The following POGZ variants were observed in gnomAD, a reference collection of about 807,000 sequenced individuals.
POGZ encodes pogo transposable element with ZNF domain.
POGZ carries 17 observed loss-of-function variants against 134.6 expected under a neutral mutation model. The observed-to-expected ratio is 0.13, with a 90% confidence interval of 0.09 to 0.19. The LOEUF is 0.19. Among genes scored for constraint, POGZ ranks in the 10% least tolerant of loss-of-function variants. POGZ has a pLI of 1.00. For missense variants in POGZ, 1,306 were observed against 1,769.7 expected (o/e 0.74, Z 4.70); for synonymous variants, 693 against 657.1 (o/e 1.05, Z -0.84).
At position 151,404,992 on chromosome 1, in the gene POGZ, T is replaced by A; in HGVS notation, c.4043A>T (p.Glu1348Val). ...SPTRNADMQE[E>V]LIASLEEQLK... ...TTGCTCCTCTAGGGAGGCAATTAGC[T>A]CCTCCTGCATGTCAGCATTTCTTGT... The change falls in exon 19 of 19, where the codon GAG becomes GTG. Residue 1348 changes from glutamate (E) to valine (V), a missense_variant. Around this residue, in one of 10 missense-constraint regions of POGZ, gnomAD observed 107 missense variants for 97.9 expected, o/e 1.09. Transcript: ENST00000271715. 1.2e-6 allele frequency: 2 copies of A among 1,614,128 alleles called. No individual in the cohort carries two copies. The highest frequency in any genetic ancestry group is 1.7e-6 in the Non-Finnish European group (2 of 1,179,996).
intron 7 of POGZ, among the ~76,000 whole-genome samples, chr1:151,425,772 T>C (rs1022698179): frequency 6.6e-6 from 1 of 152,248 alleles, no homozygotes; most frequent in African/African-American, 2.4e-5. Context: ...TGGACCTCTG[T>C]GTTGCTTTCA....
chr1:151,433,468 C>T (rs1427260185), intron 3 of POGZ, among the ~76,000 whole-genome samples: 9 of 151,860 alleles, frequency 5.9e-5, no homozygotes, highest in South Asian at 2.1e-4. Flanking sequence ...ACTAGCCAGG[C>T]GTAGTGGCGC....
intron 3 of POGZ, among the ~76,000 whole-genome samples, chr1:151,437,758 A>G (rs1307865231): frequency 6.6e-6 from 1 of 152,186 alleles, no homozygotes; most frequent in African/African-American, 2.4e-5. Flanking sequence ...TCTCAAAAAA[A>G]CAAACGTTAT....
chr1:151,443,971 T>C (rs1449764707), intron 1 of POGZ, among the ~76,000 whole-genome samples: 2 of 152,192 alleles, frequency 1.3e-5, no homozygotes, highest in East Asian at 3.8e-4. Flanking sequence ...CTAACCATTC[T>C]GTTTATTGAG....
At chr1:151,419,740 C>T (rs955122436) in intron 10 of POGZ, among the ~76,000 whole-genome samples, 10 of 135,360 alleles carry the variant, frequency 7.4e-5, no homozygotes, top group East Asian at 4.4e-4. Context: ...AAGGAAATTA[C>T]GAAAGACTGC....
intron 15 of POGZ, 111 bp from the exon 16 acceptor site, chr1:151,407,402 A>G: frequency 1.4e-6 from 1 of 704,758 alleles, no homozygotes; most frequent in Non-Finnish European, 2.5e-6. Flanking sequence ...AGTGCACCCT[A>G]ATCTCAACCT....
In POGZ at chr1:151,405,448, T is replaced by C. The variant is rs199974317; in HGVS notation, c.3587A>G (p.Glu1196Gly). 6.2e-7 allele frequency: 1 copy of C among 1,614,196 alleles called. No homozygotes were observed. The change falls in exon 19 of 19, where the codon GAG (glutamate) becomes GGG (glycine). Residue 1196 changes from glutamate (E) to glycine (G), a missense_variant. Physicochemically the swap from Glu to Gly is moderately conservative, Grantham distance 98. This residue lies in a region of POGZ where 161 missense variants were observed against 185.4 expected (regional missense o/e 0.87). Transcript: ENST00000271715. This position sits in a 1 kb window ranked among gnomAD's most constrained non-coding sequence, Gnocchi z 4.9. ...GATCTCGTCATCACTGTAGCCACTC[T>C]CCTTTGCCTCTAGCAATATGGAGTC... ...MPDSILLEAKESGYSDDEIME... is the reference protein window; with the variant it reads ...MPDSILLEAKGSGYSDDEIME...
Position 151,408,090 on chromosome 1 carries a change from AC to A in POGZ, c.2375+9del. 1 of 1,602,346 alleles carries A rather than the reference AC, an allele frequency of 6.2e-7. No individual in the cohort carries two copies. Among genetic ancestry groups the A allele is most frequent in the Non-Finnish European group, 8.5e-7 (1 of 1,176,050 alleles). ...TCTCAAGCTAAAACACTGGTTAAAA[AC>A]CAACTTACTTGATCATGTGGTTGGC... On this transcript the variant is annotated intron_variant, in intron 15 of 18. Transcript: ENST00000271715.
intron 1 of POGZ, among the ~76,000 whole-genome samples, chr1:151,451,795 CTT>C (rs960901427): frequency 6.6e-6 from 1 of 151,638 alleles, no homozygotes; most frequent in Non-Finnish European, 1.5e-5. Flanking sequence ...ATAGAAGTCT[CTT>C]TAAAAATGTC....
At chr1:151,449,663 G>A (rs113789484) in intron 1 of POGZ, among the ~76,000 whole-genome samples, 154 of 152,314 alleles carry the variant, frequency 1.0e-3, no homozygotes, top group African/African-American at 3.5e-3. Context: ...TTGGGAGGCC[G>A]AGGTGGGCGG....
chr1:151,448,668 C>A (rs955056753), intron 1 of POGZ, among the ~76,000 whole-genome samples: 3 of 151,902 alleles, frequency 2.0e-5, no homozygotes, highest in Admixed American at 6.6e-5. Context: ...TCGAGACCAG[C>A]CTGGGCAACT....
chr1:151,443,723 T>A (rs967379016), intron 1 of POGZ, among the ~76,000 whole-genome samples: 1 of 151,902 alleles, frequency 6.6e-6, no homozygotes, highest in Non-Finnish European at 1.5e-5. Flanking sequence ...TCAAAAAAAA[T>A]AAAAATAAAT....
At chr1:151,428,958 T>C (rs2102299285) in intron 5 of POGZ, among the ~76,000 whole-genome samples, 1 of 152,230 alleles carries the variant, frequency 6.6e-6, no homozygotes, top group South Asian at 2.1e-4. Flanking sequence ...CCCTATGGGC[T>C]ACGAGAACAA....
rs1212371839 is a variant in POGZ at position 151,416,210 on chromosome 1, CAAAAAAA to C, written c.1679-3821_1679-3815del. 2.8e-4 allele frequency among the ~76,000 whole-genome samples: 12 copies of C among 42,782 alleles called. No individual in the cohort carries two copies. In the East Asian group the frequency reaches 4.1e-3, roughly 15 times the overall value. The allele number at this position is 42,782 out of a possible 152,430, so 28.1% of individuals were successfully genotyped here. On this transcript the variant is annotated intron_variant, in intron 10 of 18. Transcript: ENST00000271715. ...GGGTGACAAGAGTGAAACTCCATCTCAAAAAAAAAAAAAAAAAAAAAAAAAGAAAAAG... is the reference window on the plus strand; with the variant it reads ...GGGTGACAAGAGTGAAACTCCATCTCAAAAAAAAAAAAAAAAAAGAAAAAG...
chr1:151,433,740 T>G (rs1483830845), intron 3 of POGZ, among the ~76,000 whole-genome samples: 1 of 152,068 alleles, frequency 6.6e-6, no homozygotes, highest in Non-Finnish European at 1.5e-5. Context: ...CTAGGTAAAT[T>G]ATACTTACTT....
chr1:151,451,451 CAAG>C (rs1172582685), intron 1 of POGZ, among the ~76,000 whole-genome samples: 1 of 151,778 alleles, frequency 6.6e-6, no homozygotes, highest in Admixed American at 6.7e-5. Context: ...TTCAGCCTCT[CAAG>C]GAGCTGTAAT....
chr1:151,423,862 A>G, intron 9 of POGZ, 87 bp downstream of exon 9: 1 of 1,042,756 alleles, frequency 9.6e-7, no homozygotes, highest in Non-Finnish European at 1.4e-6. Context: ...AGTTAGGTCC[A>G]TTCTCCAAAG....
chr1:151,442,900 G>A (rs1660758091), intron 1 of POGZ, among the ~76,000 whole-genome samples: 2 of 150,430 alleles, frequency 1.3e-5, no homozygotes, highest in Non-Finnish European at 3.0e-5. Context: ...ACGCTGGCAG[G>A]CGCCTGTAAT....
intron 10 of POGZ, among the ~76,000 whole-genome samples, chr1:151,419,238 T>C (rs1344192856): frequency 1.1e-4 from 17 of 151,836 alleles, no homozygotes; most frequent in Non-Finnish European, 2.4e-4. Context: ...GGCACATGCA[T>C]GTAATCCCAG....
Sources: allele counts gnomAD v4.1 joint callset (sites outside exome capture counted in the v4.1 genomes callset), GRCh38; gene constraint gnomAD v4.1.1; regional missense constraint gnomAD v4.1.1; non-coding constraint Gnocchi (gnomAD v3.1); transcripts MANE v1.5; gene names NCBI Gene and HGNC (gene_info 2026-07-23, HGNC 2026-07-21).